OSBPL5: variants seen among roughly 807,000 people sequenced by gnomAD.
The protein encoded by OSBPL5 is oxysterol-binding protein-related protein 5.
Under a neutral mutation model 111.2 loss-of-function variants are expected in OSBPL5, and 71 were observed. The ratio of observed to expected loss-of-function variants is 0.64; its 90% confidence interval spans 0.53 to 0.78. The LOEUF (loss-of-function observed/expected upper bound fraction) is 0.78. OSBPL5 is among the 30% of genes least tolerant of loss of function. The pLI is 0.00. For synonymous variants in OSBPL5, 549 were observed against 513.9 expected (o/e 1.07, Z -0.93); for missense variants, 1,210 against 1,189.3 (o/e 1.02, Z -0.26).
chr11:3,157,004 C>T (rs973027901), intron 1 of OSBPL5, among the ~76,000 whole-genome samples: 2 of 152,270 alleles, frequency 1.3e-5, no homozygotes, highest in African/African-American at 2.4e-5. Flanking sequence ...CAAGGTCAGA[C>T]GGGCCACTCC....
chr11:3,156,421 T>C (rs1168736730), intron 1 of OSBPL5, among the ~76,000 whole-genome samples: 1 of 152,196 alleles, frequency 6.6e-6, no homozygotes, highest in Non-Finnish European at 1.5e-5. Context: ...AAGAAGGATG[T>C]GAGCGGAAGT....
In OSBPL5 at chr11:3,121,214, T is replaced by C. The variant is rs369016943; in HGVS notation, c.403-590A>G. 4.5e-4 allele frequency among the ~76,000 whole-genome samples: 68 copies of C among 152,086 alleles called. 3 individuals carry two copies. The East Asian group carries it at 9.1e-3, about 20-fold the overall frequency. ...CTGGGATTACAGGCGCCCGCCACCATGCCTGGCTAATTTCTGTATTTTTAG... is the reference window on the plus strand; with the variant it reads ...CTGGGATTACAGGCGCCCGCCACCACGCCTGGCTAATTTCTGTATTTTTAG... On this transcript the variant is annotated intron_variant, in intron 5 of 21. Transcript: ENST00000263650. This position sits in a 1 kb window ranked among gnomAD's most constrained non-coding sequence, Gnocchi z 4.3.
Position 3,161,958 on chromosome 11 carries a change from G to A in OSBPL5, c.-22+3258C>T, listed in dbSNP as rs576961418. On this transcript the variant is annotated intron_variant, in intron 1 of 21. Coordinates refer to ENST00000263650, the MANE Select transcript of OSBPL5 (RefSeq NM_020896.4). The surrounding 1 kb of genome is among the most constrained non-coding windows in gnomAD (Gnocchi z 8.0). ...GCCGGGGCTGACGCCAGACCCCTGT[G>A]AGCAAGGAGGGGAGAGGGAGGGGAG... Among the ~76,000 whole-genome samples, 1 of 151,576 alleles carries A rather than the reference G, an allele frequency of 6.6e-6. No individual in the cohort carries two copies. Among genetic ancestry groups the A allele is most frequent in the Admixed American group, 6.6e-5 (1 of 15,228 alleles).
chr11:3,164,073 C>G (rs1847041945), intron 1 of OSBPL5: 1 of 152,268 alleles, frequency 6.6e-6, no homozygotes, highest in Non-Finnish European at 1.5e-5. Flanking sequence ...CTGGTGCAGG[C>G]AGACCCAAGA....
At chr11:3,100,286 G>A (rs903182383) in intron 13 of OSBPL5, 30 bp from the exon 14 acceptor site, 1 of 1,604,798 alleles carries the variant, frequency 6.2e-7, no homozygotes, top group African/African-American at 1.3e-5. Context: ...CAGGACCAGT[G>A]AGTGCGGACA....
At chr11:3,117,179 G>A (rs1029310360) in intron 7 of OSBPL5, among the ~76,000 whole-genome samples, 1 of 152,202 alleles carries the variant, frequency 6.6e-6, no homozygotes, top group Non-Finnish European at 1.5e-5. Flanking sequence ...CTGGAATGAT[G>A]TGCTTTCCTT....
At position 3,119,636 on chromosome 11, in the gene OSBPL5, A is replaced by G; in HGVS notation, c.607-5T>C. 6.4e-7 allele frequency: 1 copy of G among 1,570,024 alleles called. No homozygotes were observed. The highest frequency in any genetic ancestry group is 2.5e-5 in the East Asian group (1 of 40,552). ...CACGCTCTCACCTTTGGGGCCCTGG[A>G]GAGAGAGAGATCTGGGTGTCACCCG... On this transcript the variant is annotated splice_region_variant and splice_polypyrimidine_tract_variant and intron_variant, in intron 6 of 21. Transcript: ENST00000263650.
intron 1 of OSBPL5, among the ~76,000 whole-genome samples, chr11:3,132,532 C>T (rs1263310608): frequency 1.3e-5 from 2 of 152,112 alleles, no homozygotes; most frequent in East Asian, 1.9e-4. Flanking sequence ...AGTCTCATCC[C>T]GTCCCTGTTC....
At chr11:3,147,288 G>A (rs768675448) in intron 1 of OSBPL5, among the ~76,000 whole-genome samples, 1 of 152,236 alleles carries the variant, frequency 6.6e-6, no homozygotes, top group Non-Finnish European at 1.5e-5. Flanking sequence ...GCCAGCTCCA[G>A]GACTGGATGT....
At position 3,122,078 on chromosome 11, in the gene OSBPL5, C is replaced by A; in HGVS notation, c.321G>T (p.Arg107=). 1 of 1,577,722 alleles carries A rather than the reference C, an allele frequency of 6.3e-7. No individual in the cohort carries two copies. The highest frequency in any genetic ancestry group is 8.6e-7 in the Non-Finnish European group (1 of 1,166,904). The change falls in exon 5 of 22, where the codon CGG becomes CGT. Residue 107 remains arginine, a synonymous_variant. Transcript: ENST00000263650. The part of the protein sequence containing the change: ...ETLKAQKENY[R]QEKKRATRQL... Reference sequence around the variant, plus strand: ...GCCGTGTGGCGCGCTTCTTCTCCTGCCGGTAGTTCTCCTTCTGCGCCTGGG... The same window carrying A: ...GCCGTGTGGCGCGCTTCTTCTCCTGACGGTAGTTCTCCTTCTGCGCCTGGG...
chr11:3,122,081 G>A lies in OSBPL5; in HGVS notation c.318C>T (p.Tyr106=), dbSNP rs755737034. 1.8e-5 allele frequency: 29 copies of A among 1,576,696 alleles called. No homozygotes were observed. Among genetic ancestry groups the A allele is most frequent in the Non-Finnish European group, 2.5e-5 (29 of 1,166,394 alleles). ...GTGTGGCGCGCTTCTTCTCCTGCCG[G>A]TAGTTCTCCTTCTGCGCCTGGGCCC... The part of the protein sequence containing the change: ...KETLKAQKEN[Y]RQEKKRATRQ... The change falls in exon 5 of 22, where the codon TAC becomes TAT. Residue 106 remains tyrosine, a synonymous_variant. Transcript: ENST00000263650.
rs535473862 is a variant in OSBPL5, at chr11:3,132,883, C to T, written c.-21-3714G>A. 3.9e-5 allele frequency among the ~76,000 whole-genome samples: 6 copies of T among 152,330 alleles called. No homozygotes were observed. In the South Asian group the frequency reaches 6.2e-4, roughly 16 times the overall value. The stretch of plus-strand genomic sequence containing the variant: ...TGTCCCAGCAGCCAAGGCAGGGACA[C>T]GCGGTAGGTGCTTCCCATGTGTTTG... On this transcript the variant is annotated intron_variant, in intron 1 of 21. Coordinates refer to ENST00000263650, the MANE Select transcript of OSBPL5 (RefSeq NM_020896.4).
chr11:3,116,522 G>A (rs1177834678), intron 7 of OSBPL5, among the ~76,000 whole-genome samples: 1 of 152,174 alleles, frequency 6.6e-6, no homozygotes, highest in Admixed American at 6.5e-5. Flanking sequence ...TAAATTTGAA[G>A]CAGAACAGGA....
At chr11:3,095,496 C>G (rs2134391923) in intron 14 of OSBPL5, among the ~76,000 whole-genome samples, 1 of 152,136 alleles carries the variant, frequency 6.6e-6, no homozygotes, top group Admixed American at 6.5e-5. Context: ...GGAAGAATAC[C>G]AGCAGAGGTA....
At chr11:3,117,647 C>T (rs1360095833) in intron 7 of OSBPL5, among the ~76,000 whole-genome samples, 2 of 152,178 alleles carry the variant, frequency 1.3e-5, no homozygotes, top group Admixed American at 6.5e-5. Flanking sequence ...CTACTCTTCC[C>T]TAATGTTTTT....
At chr11:3,125,819 A>C (rs1037261515) in intron 3 of OSBPL5, among the ~76,000 whole-genome samples, 6 of 150,552 alleles carry the variant, frequency 4.0e-5, no homozygotes, top group African/African-American at 1.5e-4. Context: ...AAAAAAAAAA[A>C]AAAATACAAA....
intron 1 of OSBPL5, among the ~76,000 whole-genome samples, chr11:3,151,078 G>C (rs1202142362): frequency 6.6e-6 from 1 of 152,158 alleles, no homozygotes; most frequent in Non-Finnish European, 1.5e-5. Flanking sequence ...GAAAAGACAG[G>C]GGAGGAGACA....
intron 14 of OSBPL5, 154 bp from the exon 15 acceptor site, chr11:3,094,488 G>A (rs1413820952): frequency 3.3e-6 from 2 of 612,708 alleles, no homozygotes; most frequent in African/African-American, 4.2e-5. Flanking sequence ...GGGTGAGAAG[G>A]ACAGGAGGCG....
In OSBPL5 at chr11:3,121,800, T is replaced by C. The variant is rs6578322; in HGVS notation, c.402+197A>G. 0.81 allele frequency: 487,235 copies of C among 599,520 alleles called. 201,468 individuals carry two copies. Among genetic ancestry groups the C allele is most frequent in the African/African-American group, 0.95 (51,396 of 54,106 alleles). The allele number at this position is 599,520 out of a possible 1,614,324, so 37.1% of individuals were successfully genotyped here. A position where few individuals can be genotyped will look rare whatever the true frequency, so the allele number is the denominator to read the frequency against. On this transcript the variant is annotated intron_variant, in intron 5 of 21. Transcript: ENST00000263650. This position sits in a 1 kb window ranked among gnomAD's most constrained non-coding sequence, Gnocchi z 4.3. ...GTAAGGTGGCCCTAATTCCTACCAC[T>C]GGTGTCCTTATAAAAAGGGGGAGAG...
Sources: allele counts gnomAD v4.1 joint callset (sites outside exome capture counted in the v4.1 genomes callset), GRCh38; gene constraint gnomAD v4.1.1; non-coding constraint Gnocchi (gnomAD v3.1); transcripts MANE v1.5; gene names NCBI Gene and HGNC (gene_info 2026-07-23, HGNC 2026-07-21).